The following CREB5 variants were observed in gnomAD, a reference collection of about 807,000 sequenced individuals.
CREB5 encodes the protein cyclic AMP-responsive element-binding protein 5.
In CREB5, 19 loss-of-function variants were observed where a neutral mutation model predicts 57.1. The ratio of observed to expected loss-of-function variants is 0.33; its 90% CI spans 0.23 to 0.49. CREB5 has a LOEUF of 0.49. Ranked by LOEUF, CREB5 falls within the 20% of genes least tolerant of loss-of-function variation. The probability of loss-of-function intolerance (pLI) is 0.99; values close to 1 mark genes in which losing one functional copy is unlikely to be tolerated. For missense variants in CREB5, 579 were observed against 671.6 expected (o/e 0.86, Z 1.52); for synonymous variants, 238 against 238.3 (o/e 1.00, Z 0.01).
At chr7:28,521,090 A>C (rs777631905) in intron 4 of CREB5, among the ~76,000 whole-genome samples, 5 of 152,168 alleles carry the variant, frequency 3.3e-5, no homozygotes, top group Non-Finnish European at 5.9e-5. Context: ...GCAAAAGAAA[A>C]GGGGGAGGCA....
Position 28,554,673 on chromosome 7 carries a change from G to A in CREB5, c.292-15692G>A, listed in dbSNP as rs946595356. 3.3e-5 allele frequency among the ~76,000 whole-genome samples: 5 copies of A among 152,246 alleles called. No homozygotes were observed. The East Asian group carries it at 9.6e-4, about 29-fold the overall frequency. Reference sequence around the variant, plus strand: ...TTGGTTACAGACACTGTGCCTGGAGGCAGGACAGGGTCCCTTTCCATTCCA... The same window carrying A: ...TTGGTTACAGACACTGTGCCTGGAGACAGGACAGGGTCCCTTTCCATTCCA... On this transcript the variant is annotated intron_variant, in intron 4 of 10. Transcript: ENST00000357727.
intron 4 of CREB5, among the ~76,000 whole-genome samples, chr7:28,546,211 T>C (rs898136769): frequency 6.6e-6 from 1 of 152,234 alleles, no homozygotes; most frequent in Non-Finnish European, 1.5e-5. Context: ...TGTTGTAGTA[T>C]GTGTCAGAAT....
At chr7:28,667,285 C>T (rs1012408092) in intron 5 of CREB5, among the ~76,000 whole-genome samples, 1 of 150,474 alleles carries the variant, frequency 6.6e-6, no homozygotes, top group African/African-American at 2.5e-5. Flanking sequence ...TAAGCACTTA[C>T]CCTTCCTATC....
rs76458978 is a variant in CREB5, at chr7:28,463,069, A to G, written c.4-25106A>G. On this transcript the variant is annotated intron_variant, in intron 1 of 10. Transcript: ENST00000357727. Reference sequence around the variant, plus strand: ...AAGAGTTTTCAGTTTTACCTCTTATATTTTGTTCTATGGTTGATTTTAAGG... The same window carrying G: ...AAGAGTTTTCAGTTTTACCTCTTATGTTTTGTTCTATGGTTGATTTTAAGG... Among the ~76,000 whole-genome samples, 1,281 of 152,124 alleles carry G rather than the reference A, an allele frequency of 8.4e-3. 26 individuals carry two copies. Among genetic ancestry groups the G allele is most frequent in the African/African-American group, 0.028 (1,179 of 41,506 alleles).
intron 4 of CREB5, among the ~76,000 whole-genome samples, chr7:28,559,308 T>G (rs1794987624): frequency 6.6e-6 from 1 of 152,052 alleles, no homozygotes; most frequent in South Asian, 2.1e-4. Context: ...CATATAGGTT[T>G]TTTGTTTGTT....
At chr7:28,666,936 G>GAAAAA (rs113572513) in intron 5 of CREB5, among the ~76,000 whole-genome samples, 1 of 129,240 alleles carries the variant, frequency 7.7e-6, no homozygotes, top group Non-Finnish European at 1.7e-5. Context: ...CCTTTCTTAG[G>GAAAAA]AAAAAAAAAA....
Position 28,519,641 on chromosome 7 carries a change from T to A in CREB5, c.291+11904T>A, listed in dbSNP as rs370903481. ...CCAGGGCCAGGGGTGCAGTCTGTGA[T>A]GGTGGGAGAGAGGCACTACTTTGAC... On this transcript the variant is annotated intron_variant, in intron 4 of 10. Transcript: ENST00000357727. Among the ~76,000 whole-genome samples, 3 of 152,152 alleles carry A rather than the reference T, an allele frequency of 2.0e-5. No homozygotes were observed. In the South Asian group the frequency reaches 6.2e-4, roughly 32 times the overall value.
chr7:28,706,833 A>C (rs962361282), intron 5 of CREB5, among the ~76,000 whole-genome samples: 3 of 152,128 alleles, frequency 2.0e-5, no homozygotes, highest in Non-Finnish European at 4.4e-5. Context: ...TGTCCCTAGA[A>C]ATCAGGATAG....
intron 5 of CREB5, among the ~76,000 whole-genome samples, chr7:28,672,616 G>T (rs930972560): frequency 6.6e-6 from 1 of 152,070 alleles, no homozygotes; most frequent in African/African-American, 2.4e-5. Flanking sequence ...CTGACATATT[G>T]TTCAGTTTCA....
intron 5 of CREB5, among the ~76,000 whole-genome samples, chr7:28,605,089 A>G (rs571819476): frequency 1.3e-5 from 2 of 152,286 alleles, no homozygotes; most frequent in East Asian, 1.9e-4. Flanking sequence ...GAAGGACATG[A>G]AGGAACAAGA....
At chr7:28,718,479 G>T (rs1171385823) in intron 5 of CREB5, among the ~76,000 whole-genome samples, 1 of 152,160 alleles carries the variant, frequency 6.6e-6, no homozygotes, top group Non-Finnish European at 1.5e-5. Flanking sequence ...CGAGCGTTTA[G>T]GAGACTTATT....
intron 1 of CREB5, among the ~76,000 whole-genome samples, chr7:28,392,203 C>T (rs1562688666): frequency 6.6e-6 from 1 of 152,100 alleles, no homozygotes; most frequent in African/African-American, 2.4e-5. Flanking sequence ...GATGAAATAG[C>T]TGTACAACAA....
At chr7:28,608,113 T>TCACA (rs61349634) in intron 5 of CREB5, among the ~76,000 whole-genome samples, 2 of 143,070 alleles carry the variant, frequency 1.4e-5, no homozygotes, top group Non-Finnish European at 3.0e-5. Context: ...TCTCTCTCTC[T>TCACA]CACACACACT....
chr7:28,434,560 G>A (rs1052950552), intron 1 of CREB5, among the ~76,000 whole-genome samples: 3 of 152,140 alleles, frequency 2.0e-5, no homozygotes, highest in East Asian at 1.9e-4. Flanking sequence ...AAGACAAAAT[G>A]TTGTATCTCC....
At chr7:28,709,565 C>A (rs1802298757) in intron 5 of CREB5, among the ~76,000 whole-genome samples, 1 of 152,106 alleles carries the variant, frequency 6.6e-6, no homozygotes. Context: ...AACATCTCCT[C>A]CGCCTAAGTA....
At chr7:28,365,403 G>C (rs1400724127) in intron 1 of CREB5, among the ~76,000 whole-genome samples, 1 of 151,926 alleles carries the variant, frequency 6.6e-6, no homozygotes, top group African/African-American at 2.4e-5. Context: ...TTTGCTCCCG[G>C]AATTATCACC....
At chr7:28,489,961 T>A (rs950552270) in intron 2 of CREB5, among the ~76,000 whole-genome samples, 2 of 152,258 alleles carry the variant, frequency 1.3e-5, no homozygotes, top group Admixed American at 6.5e-5. Flanking sequence ...CTAGAGTAAC[T>A]AAATTAGAAC....
At chr7:28,358,423 G>C (rs1225654492) in intron 1 of CREB5, among the ~76,000 whole-genome samples, 2 of 152,160 alleles carry the variant, frequency 1.3e-5, no homozygotes, top group African/African-American at 4.8e-5. Flanking sequence ...GACCACTGAT[G>C]GTGTGCGGTC....
intron 1 of CREB5, among the ~76,000 whole-genome samples, chr7:28,377,751 AC>A (rs202137308): frequency 0.016 from 2,441 of 151,308 alleles, 66 homozygotes; most frequent in African/African-American, 0.056. Flanking sequence ...ACACGGTGAA[AC>A]CCCCGTCTCT....
Sources: allele counts gnomAD v4.1 joint callset (sites outside exome capture counted in the v4.1 genomes callset), GRCh38; gene constraint gnomAD v4.1.1; transcripts MANE v1.5; gene names NCBI Gene and HGNC (gene_info 2026-07-23, HGNC 2026-07-21).